Variants in KCNH1 observed in about 807,000 individuals in gnomAD.
The protein encoded by KCNH1 is voltage-gated delayed rectifier potassium channel KCNH1.
KCNH1 carries 27 observed loss-of-function variants against 69.2 expected under a neutral mutation model. The ratio of observed to expected loss-of-function variants is 0.39; its 90% CI spans 0.29 to 0.54. KCNH1 has a LOEUF of 0.54. KCNH1 is among the 20% of genes least tolerant of loss of function. The pLI is 0.68. For missense variants in KCNH1, 798 were observed against 1,261.6 expected, an observed-to-expected ratio of 0.63 and a Z score of 5.57; for synonymous variants, 456 against 487.7, an observed-to-expected ratio of 0.93 and a Z score of 0.86.
intron 9 of KCNH1, among the ~76,000 whole-genome samples, chr1:210,796,154 C>CA (rs34606473): frequency 0.22 from 29,108 of 133,980 alleles, 3,109 homozygotes; most frequent in Non-Finnish European, 0.23. Flanking sequence ...GATTCCGTCT[C>CA]AAAAAAAAAA....
intron 5 of KCNH1, among the ~76,000 whole-genome samples, chr1:211,044,310 G>C (rs1336021464): frequency 6.6e-6 from 1 of 152,116 alleles, no homozygotes; most frequent in Non-Finnish European, 1.5e-5. Context: ...ACCAAGTGGA[G>C]AACCAAATCA....
chr1:211,098,940 A>T (rs1183519917), intron 3 of KCNH1, among the ~76,000 whole-genome samples: 1 of 152,200 alleles, frequency 6.6e-6, no homozygotes, highest in Admixed American at 6.5e-5. Context: ...TATTTGGCAA[A>T]ATGTCTCAGA....
chr1:211,063,769 A>G (rs1387931108), intron 5 of KCNH1: 1 of 145,448 alleles, frequency 6.9e-6, no homozygotes, highest in Non-Finnish European at 1.6e-5. Flanking sequence ...GAGATGGTTA[A>G]TGGGTAAAAA....
intron 7 of KCNH1, among the ~76,000 whole-genome samples, chr1:210,891,229 T>C (rs892146921): frequency 2.5e-4 from 38 of 152,330 alleles, no homozygotes; most frequent in African/African-American, 8.4e-4. Context: ...GATGAGTTCA[T>C]GTCCTTTGTA....
intron 7 of KCNH1, among the ~76,000 whole-genome samples, chr1:210,844,997 C>T (rs1323427420): frequency 2.0e-5 from 3 of 152,032 alleles, no homozygotes; most frequent in South Asian, 2.1e-4. Context: ...ATAAATTCCT[C>T]GACACATACA....
intron 5 of KCNH1, among the ~76,000 whole-genome samples, chr1:211,076,581 C>A (rs1690738391): frequency 6.6e-6 from 1 of 152,174 alleles, no homozygotes; most frequent in Non-Finnish European, 1.5e-5. Flanking sequence ...AAAAGGATAA[C>A]CACACCAAAA....
At chr1:210,983,302 T>C (rs1296060613) in intron 6 of KCNH1, among the ~76,000 whole-genome samples, 1 of 152,232 alleles carries the variant, frequency 6.6e-6, no homozygotes, top group Non-Finnish European at 1.5e-5. Context: ...ATTTTGTCTT[T>C]TGTTGCCATT....
chr1:211,085,205 G>A (rs537273656), intron 4 of KCNH1, among the ~76,000 whole-genome samples: 38 of 152,248 alleles, frequency 2.5e-4, no homozygotes, highest in African/African-American at 7.9e-4. Flanking sequence ...TAATATGCCC[G>A]TGAAGAACAA....
At chr1:210,738,552 C>CTTTTTTTTTTTTTTTTTTTTTT (rs57669878) in intron 10 of KCNH1, among the ~76,000 whole-genome samples, 1 of 49,152 alleles carries the variant, frequency 2.0e-5, no homozygotes, top group Non-Finnish European at 4.1e-5. Flanking sequence ...GGCTTTTTTG[C>CTTTTTTTTTTTTTTTTTTTTTT]TTTTTTTTTT....
At chr1:210,684,477 C>G (rs1681364903) in intron 10 of KCNH1, among the ~76,000 whole-genome samples, 1 of 152,238 alleles carries the variant, frequency 6.6e-6, no homozygotes, top group African/African-American at 2.4e-5. Flanking sequence ...GCCTCTGTGC[C>G]TGGCCTCCCT....
chr1:210,869,381 T>G (rs933519476), intron 7 of KCNH1, among the ~76,000 whole-genome samples: 1 of 152,122 alleles, frequency 6.6e-6, no homozygotes, highest in African/African-American at 2.4e-5. Flanking sequence ...TCCAGTGATA[T>G]GCATATTTAC....
intron 10 of KCNH1, among the ~76,000 whole-genome samples, chr1:210,702,759 G>A (rs1681812314): frequency 6.6e-6 from 1 of 152,192 alleles, no homozygotes; most frequent in Non-Finnish European, 1.5e-5. Flanking sequence ...TCTAAGGACA[G>A]AGCTTTCTTG....
chr1:211,085,482 G>GAA (rs767474662), intron 4 of KCNH1, among the ~76,000 whole-genome samples: 1 of 134,296 alleles, frequency 7.4e-6, no homozygotes. Flanking sequence ...TAGTGGGCTA[G>GAA]AAAAAAAAAA....
At chr1:210,689,028 C>CT in intron 10 of KCNH1, among the ~76,000 whole-genome samples, 1 of 152,314 alleles carries the variant, frequency 6.6e-6, no homozygotes, top group East Asian at 1.9e-4. Flanking sequence ...AAGCTCATGA[C>CT]TTATTGCAAC....
intron 5 of KCNH1, among the ~76,000 whole-genome samples, chr1:211,034,427 G>A (rs569450300): frequency 2.7e-5 from 4 of 149,810 alleles, no homozygotes; most frequent in Middle Eastern, 3.5e-3. Flanking sequence ...AGTAAGGGCA[G>A]GAAGGAAGGG....
At chr1:211,111,064 CTA>C (rs1211226485) in intron 1 of KCNH1, among the ~76,000 whole-genome samples, 1 of 151,934 alleles carries the variant, frequency 6.6e-6, no homozygotes, top group Non-Finnish European at 1.5e-5. Flanking sequence ...ATAAAAATAA[CTA>C]TGTACTTAAT....
chr1:211,009,169 T>C lies in KCNH1; in HGVS notation c.1032+9614A>G, dbSNP rs184962713. Among the ~76,000 whole-genome samples, 876 of 152,256 alleles carry C rather than the reference T, an allele frequency of 5.8e-3. 13 individuals are homozygous for C. Among genetic ancestry groups the C allele is most frequent in the African/African-American group, 0.02 (831 of 41,542 alleles). On this transcript the variant is annotated intron_variant, in intron 6 of 10. Coordinates refer to ENST00000271751, the MANE Select transcript of KCNH1 (RefSeq NM_172362.3). Reference sequence around the variant, plus strand: ...TTGTGTGAGATGAGAGGCTGCTAGGTCTAACGTTGCCAACATGGAGAATGA... The same window carrying C: ...TTGTGTGAGATGAGAGGCTGCTAGGCCTAACGTTGCCAACATGGAGAATGA...
At chr1:210,999,402 T>C (rs1281726613) in intron 6 of KCNH1, among the ~76,000 whole-genome samples, 1 of 152,108 alleles carries the variant, frequency 6.6e-6, no homozygotes, top group African/African-American at 2.4e-5. Flanking sequence ...ACAAATAAAC[T>C]AGAAAATTTA....
intron 6 of KCNH1, among the ~76,000 whole-genome samples, chr1:210,979,054 G>A (rs1248919703): frequency 6.6e-6 from 1 of 152,128 alleles, no homozygotes; most frequent in African/African-American, 2.4e-5. Flanking sequence ...TAGAGATGTT[G>A]GCCTTTCCCA....
Sources: allele counts gnomAD v4.1 joint callset (sites outside exome capture counted in the v4.1 genomes callset), GRCh38; gene constraint gnomAD v4.1.1; transcripts MANE v1.5; gene names NCBI Gene and HGNC (gene_info 2026-07-23, HGNC 2026-07-21).